Variants in SOD2 observed in about 807,000 individuals in gnomAD.
The protein encoded by SOD2 is superoxide dismutase [Mn], mitochondrial.
A neutral mutation model predicts 27.0 loss-of-function variants in SOD2; 11 were observed. That is an observed-to-expected ratio of 0.41 (90% CI 0.26 to 0.67). The LOEUF is 0.67. Among genes scored for constraint, SOD2 ranks in the 30% least tolerant of loss-of-function variants. The pLI is 0.34. For missense variants in SOD2, 250 were observed against 274.5 expected (o/e 0.91, Z 0.63); for synonymous variants, 105 against 103.0 (o/e 1.02, Z -0.12).
chr6:159,761,916 T>C, exon 1 of SOD2: 4 of 694,080 alleles, frequency 5.8e-6, no homozygotes, highest in Non-Finnish European at 9.1e-6. Flanking sequence ...CCGCCCCTGC[T>C]CCGGCCTTGC....
chr6:159,718,784 T>C (rs1423942453), intron 1 of SOD2, among the ~76,000 whole-genome samples: 1 of 152,168 alleles, frequency 6.6e-6, no homozygotes, highest in African/African-American at 2.4e-5. Flanking sequence ...CTTAGGCTAA[T>C]TGCTAACTGT....
In SOD2 at chr6:159,677,296, A is replaced by G. The variant is rs778218041; in HGVS notation, c.*5197T>C. The G allele has an allele frequency of 6.6e-6, 1 of 152,108 alleles. No homozygotes were observed. Among genetic ancestry groups the G allele is most frequent in the Non-Finnish European group, 1.5e-5 (1 of 68,024 alleles). 9.4% of individuals were successfully genotyped at this position (152,108 alleles called of 1,614,324 possible). A position where few individuals can be genotyped will look rare whatever the true frequency, so the allele number is the denominator to read the frequency against. ...TGCTCCTTCCTTTTCACAAACTGAG[A>G]AATCTTAAATTTTTTTTAACGTGTC... On this transcript the variant is annotated 3_prime_UTR_variant, in exon 5 of 5. Transcript: ENST00000538183.
chr6:159,693,159 G>A lies in SOD2; in HGVS notation c.9C>T (p.Ser3=). ...TTTCTTCTCACCCGCACACTGCCCG[G>A]CTCAACATGCTGCTAGTGCTGGTGC... The part of the protein sequence containing the change: ML[S]RAVCGTSRQL... The change falls in exon 1 of 5, where the codon AGC becomes AGT. Residue 3 remains serine (S), a synonymous_variant. Coordinates refer to ENST00000538183, the MANE Select transcript of SOD2 (RefSeq NM_000636.4). 1 of 1,533,208 alleles carries A rather than the reference G, an allele frequency of 6.5e-7. No homozygotes were observed. The highest frequency in any genetic ancestry group is 2.6e-5 in the East Asian group (1 of 39,132). 95.0% of individuals were successfully genotyped at this position (1,533,208 alleles called of 1,614,324 possible).
upstream of SOD2, chr6:159,727,842 G>A: frequency 1.7e-6 from 1 of 575,524 alleles, no homozygotes; most frequent in Non-Finnish European, 2.2e-6. Flanking sequence ...GGTCTCTCGT[G>A]AGCCGCTCTA....
At chr6:159,740,160 CCT>C (rs1779165948) in intron 1 of SOD2, among the ~76,000 whole-genome samples, 1 of 151,354 alleles carries the variant, frequency 6.6e-6, no homozygotes, top group South Asian at 2.1e-4. Context: ...TTTTTTTTTC[CCT>C]GTCTCTGGCA....
rs1779787876 is a variant in SOD2 at position 159,676,675 on chromosome 6, A to G, written c.*5818T>C. ...GACGAGTTAATAGGTGCAGCACACC[A>G]ACATGGCACATGTATACATGTAACA... On this transcript the variant is annotated 3_prime_UTR_variant, in exon 5 of 5. Transcript: ENST00000538183. 6.6e-6 allele frequency: 1 copy of G among 152,170 alleles called. No homozygotes were observed. The highest frequency in any genetic ancestry group is 1.5e-5 in the Non-Finnish European group (1 of 68,028). 9.4% of individuals were successfully genotyped at this position (152,170 alleles called of 1,614,324 possible).
intron 1 of SOD2, chr6:159,726,758 G>A: frequency 7.8e-7 from 1 of 1,287,690 alleles, no homozygotes; most frequent in Non-Finnish European, 1.0e-6. Flanking sequence ...TGCGTCTCCA[G>A]AGATGTCAAG....
intron 1 of SOD2, among the ~76,000 whole-genome samples, chr6:159,711,980 ACTCACACTGCTCAGACCT>A (rs1777793143): frequency 5.8e-5 from 6 of 102,734 alleles, no homozygotes; most frequent in Admixed American, 9.3e-5. Context: ...CATAACCACC[ACTCACACTGCTCAGACCT>A]CCATAACCAC....
At chr6:159,717,681 G>GT (rs1562441111) in intron 1 of SOD2, among the ~76,000 whole-genome samples, 1 of 152,094 alleles carries the variant, frequency 6.6e-6, no homozygotes, top group African/African-American at 2.4e-5. Flanking sequence ...CTGTACTGTT[G>GT]TATCTGTTAA....
chr6:159,669,707 A>T lies in SOD2; in HGVS notation c.*12786T>A, dbSNP rs1207775984. The T allele has an allele frequency of 6.6e-6, 1 of 152,222 alleles. No individual in the cohort carries two copies. The highest frequency in any genetic ancestry group is 6.5e-5 in the Admixed American group (1 of 15,280). The allele number at this position is 152,222 out of a possible 1,614,324, so 9.4% of individuals were successfully genotyped here. On this transcript the variant is annotated 3_prime_UTR_variant, in exon 5 of 5. Transcript: ENST00000538183. ...CATGAATTGATCCTTGTTTCATTACATAATGACTTTTCTTTTTACAGTTTT... is the reference window on the plus strand; with the variant it reads ...CATGAATTGATCCTTGTTTCATTACTTAATGACTTTTCTTTTTACAGTTTT...
At chr6:159,695,642 A>G (rs1004843899), upstream of SOD2, among the ~76,000 whole-genome samples, 1 of 152,152 alleles carries the variant, frequency 6.6e-6, no homozygotes, top group African/African-American at 2.4e-5. Context: ...CTACAGGTGC[A>G]TACCACCATG....
intron 1 of SOD2, among the ~76,000 whole-genome samples, chr6:159,718,483 T>C (rs1777965302): frequency 6.6e-6 from 1 of 152,170 alleles, no homozygotes; most frequent in Non-Finnish European, 1.5e-5. Context: ...TACTGAATTA[T>C]TTTTTAAAAA....
rs892939610 is a variant in SOD2, at chr6:159,682,419, G to A, written c.*74C>T. 5.4e-5 allele frequency: 68 copies of A among 1,264,166 alleles called. No homozygotes were observed. Among genetic ancestry groups the A allele is most frequent in the African/African-American group, 9.1e-5 (6 of 65,874 alleles). 78.3% of individuals were successfully genotyped at this position (1,264,166 alleles called of 1,614,324 possible). On this transcript the variant is annotated 3_prime_UTR_variant, in exon 5 of 5. Coordinates refer to ENST00000538183, the MANE Select transcript of SOD2 (RefSeq NM_000636.4). ...AAATGCTACAATAGAGCAGCTTACT[G>A]TATTCTGCAGTACTCTATACCACTA... is the stretch of plus-strand genomic sequence containing the variant.
chr6:159,742,775 G>A (rs1779338062), intron 1 of SOD2, among the ~76,000 whole-genome samples: 2 of 152,176 alleles, frequency 1.3e-5, no homozygotes, highest in Middle Eastern at 3.4e-3. Flanking sequence ...AAAGTTTAAG[G>A]CTAGGCACAG....
In SOD2 at chr6:159,733,464, T is replaced by G. The variant is rs966288534; in HGVS notation, c.-116+11666A>C. On this transcript the variant is annotated intron_variant, in intron 1 of 3. Transcript: ENST00000537657. ...AAACCCTGTCTCTACCAAAAAAAAT[T>G]ACAAAAAATTAACTGGGTGTGGTGG... Among the ~76,000 whole-genome samples the G allele has an allele frequency of 6.8e-5, 4 of 58,920 alleles. No homozygotes were observed. The Admixed American group carries it at 8.9e-4, about 13-fold the overall frequency. The allele number at this position is 58,920 out of a possible 152,430, so 38.7% of individuals were successfully genotyped here.
intron 1 of SOD2, chr6:159,738,982 CTT>C (rs1436969777): frequency 6.2e-7 from 1 of 1,605,966 alleles, no homozygotes. Flanking sequence ...TTGTAATTCT[CTT>C]TATAGGTTCG....
intron 1 of SOD2, chr6:159,755,340 C>T: frequency 1.2e-6 from 2 of 1,614,190 alleles, no homozygotes; most frequent in South Asian, 1.1e-5. Flanking sequence ...CCTTCTTCTC[C>T]AGGGAATGGT....
rs1387845552 is a variant in SOD2 at position 159,732,917 on chromosome 6, G to GTGTGTGTGTGTT, written c.-116+12212_-116+12213insAACACACACACA. 1.1e-4 allele frequency among the ~76,000 whole-genome samples: 15 copies of GTGTGTGTGTGTT among 139,180 alleles called. 1 individual carries two copies. The highest frequency in any genetic ancestry group is 3.3e-4 in the African/African-American group (13 of 38,984). The allele number at this position is 139,180 out of a possible 152,430, so 91.3% of individuals were successfully genotyped here. The stretch of plus-strand genomic sequence containing the variant: ...TGTGTGTGTGTGTGTGTGTGTGTGT[G>GTGTGTGTGTGTT]TAAAATTGATATTTAGCTCCAGACA... On this transcript the variant is annotated intron_variant, in intron 1 of 3. Coordinates refer to the SOD2 transcript ENST00000537657.
Position 159,757,478 on chromosome 6 carries a change from T to A in SOD2, c.-336+3559A>T, listed in dbSNP as rs150977246. 7.1e-4 allele frequency among the ~76,000 whole-genome samples: 107 copies of A among 151,254 alleles called. 1 individual carries two copies. The East Asian group carries it at 0.018, about 26-fold the overall frequency. ...CCCAGGCTGGAGTGCAGTGGCACCATCGTGGCTCACTGCAACCTCCACCTC... is the reference window on the plus strand; with the variant it reads ...CCCAGGCTGGAGTGCAGTGGCACCAACGTGGCTCACTGCAACCTCCACCTC... On this transcript the variant is annotated intron_variant, in intron 1 of 7. Coordinates refer to the SOD2 transcript ENST00000546087.
Sources: gnomAD v4.1 joint callset for allele counts (sites outside exome capture counted in the v4.1 genomes callset) on GRCh38, gnomAD v4.1.1 for gene constraint, MANE v1.5 for transcripts, NCBI Gene and HGNC (gene_info 2026-07-23, HGNC 2026-07-21) for gene names.